The following CFAP54 variants were observed in gnomAD, a reference collection of about 807,000 sequenced individuals.
CFAP54 encodes the protein cilia- and flagella-associated protein 54.
In CFAP54, 290 loss-of-function variants were observed where a neutral mutation model predicts 370.4. The ratio of observed to expected loss-of-function variants is 0.78; its 90% CI spans 0.71 to 0.86. The LOEUF (loss-of-function observed/expected upper bound fraction) is 0.86. Ranked by LOEUF, CFAP54 falls within the 40% of genes least tolerant of loss-of-function variation. The pLI is 0.00. For synonymous variants in CFAP54, 1,206 were observed against 1,236.5 expected (o/e 0.98, Z 0.52); for missense variants, 3,399 against 3,528.7 (o/e 0.96, Z 0.93).
At chr12:96,761,965 G>A (rs1227171913) in intron 58 of CFAP54, among the ~76,000 whole-genome samples, 1 of 151,894 alleles carries the variant, frequency 6.6e-6, no homozygotes, top group Non-Finnish European at 1.5e-5. Flanking sequence ...TGGCTACTTT[G>A]ACTCCTTTGC....
chr12:96,695,204 G>A (rs1316488019), intron 45 of CFAP54, among the ~76,000 whole-genome samples: 1 of 152,152 alleles, frequency 6.6e-6, no homozygotes, highest in Non-Finnish European at 1.5e-5. Context: ...TGGAGTGAGT[G>A]GGCTCCAACA....
At chr12:96,601,422 T>C (rs964068026) in intron 26 of CFAP54, among the ~76,000 whole-genome samples, 21 of 152,228 alleles carry the variant, frequency 1.4e-4, no homozygotes, top group African/African-American at 5.1e-4. Context: ...ATTCTCTTTT[T>C]TGTTGTGTCT....
At chr12:96,603,938 C>T (rs918323835) in intron 26 of CFAP54, among the ~76,000 whole-genome samples, 2 of 151,832 alleles carry the variant, frequency 1.3e-5, no homozygotes, top group African/African-American at 4.8e-5. Flanking sequence ...TTATTACTGA[C>T]CTTCTGAAGC....
At chr12:96,559,117 G>A (rs1955788502) in intron 17 of CFAP54, among the ~76,000 whole-genome samples, 1 of 152,148 alleles carries the variant, frequency 6.6e-6, no homozygotes, top group Non-Finnish European at 1.5e-5. Context: ...TTGGGAGGCT[G>A]AGGCAGGAGA....
chr12:96,766,304 G>T (rs994331872), intron 60 of CFAP54, among the ~76,000 whole-genome samples: 1 of 151,928 alleles, frequency 6.6e-6, no homozygotes, highest in Admixed American at 6.6e-5. Context: ...CTTCGTGCCT[G>T]GGAGAATTTT....
intron 1 of CFAP54, among the ~76,000 whole-genome samples, chr12:96,499,465 C>A (rs1592814673): frequency 6.6e-6 from 1 of 152,134 alleles, no homozygotes; most frequent in African/African-American, 2.4e-5. Context: ...ACCGACAACA[C>A]CAAATGCCGG....
chr12:96,853,989 T>G (rs575742714), intron 66 of CFAP54, among the ~76,000 whole-genome samples: 1 of 152,072 alleles, frequency 6.6e-6, no homozygotes, highest in African/African-American at 2.4e-5. Flanking sequence ...TAAGTAAAAT[T>G]AACGTAGCCA....
intron 66 of CFAP54, among the ~76,000 whole-genome samples, chr12:96,838,693 A>G (rs1959194376): frequency 6.6e-6 from 1 of 152,156 alleles, no homozygotes; most frequent in Admixed American, 6.5e-5. Flanking sequence ...ATGCCTAGGG[A>G]TTATGATTCA....
chr12:96,554,141 C>T, intron 15 of CFAP54, 41 bp from the exon 16 acceptor site: 137 of 1,322,014 alleles, frequency 1.0e-4, no homozygotes, highest in Middle Eastern at 2.4e-4. Flanking sequence ...TTTGATTTTC[C>T]CTTGTTTTAT....
chr12:96,507,184 T>A, intron 4 of CFAP54, 85 bp downstream of exon 4: 1 of 1,067,728 alleles, frequency 9.4e-7, no homozygotes, highest in Non-Finnish European at 1.3e-6. Context: ...GAGTACCTTG[T>A]GATTTAAAAC....
intron 46 of CFAP54, among the ~76,000 whole-genome samples, chr12:96,701,916 A>G (rs1957496111): frequency 6.6e-6 from 1 of 152,112 alleles, no homozygotes; most frequent in Non-Finnish European, 1.5e-5. Context: ...TAAATATGAA[A>G]GGACACTGCT....
intron 39 of CFAP54, among the ~76,000 whole-genome samples, chr12:96,666,185 T>C (rs1957077524): frequency 6.6e-6 from 1 of 152,210 alleles, no homozygotes; most frequent in African/African-American, 2.4e-5. Flanking sequence ...CACATTTTTT[T>C]CTTCTTTTTA....
intron 17 of CFAP54, among the ~76,000 whole-genome samples, chr12:96,555,847 T>C (rs952468042): frequency 6.6e-6 from 1 of 151,944 alleles, no homozygotes; most frequent in Non-Finnish European, 1.5e-5. Flanking sequence ...ATAGACTCAA[T>C]GCAATTTCAA....
At position 96,594,389 on chromosome 12, in the gene CFAP54, T is replaced by C; in HGVS notation, c.3459T>C (p.Cys1153=). The change falls in exon 25 of 68, where the codon TGT becomes TGC. Residue 1153 remains cysteine (C), a synonymous_variant. Transcript: ENST00000524981. ...ATGCCCTTCAAGCTGTGACTCAATG[T>C]TATGGACTTCTTGCTCCCATAATTT... ...SSYALQAVTQ[C]YGLLAPIIYH... The C allele has an allele frequency of 6.5e-6, 10 of 1,534,612 alleles. No individual in the cohort carries two copies. Among genetic ancestry groups the C allele is most frequent in the Non-Finnish European group, 8.7e-6 (10 of 1,145,820 alleles).
chr12:96,613,896 A>G (rs1956387879), intron 26 of CFAP54, among the ~76,000 whole-genome samples: 1 of 152,318 alleles, frequency 6.6e-6, no homozygotes, highest in South Asian at 2.1e-4. Context: ...AAAAAAGTCC[A>G]GGACCAGATG....
intron 32 of CFAP54, among the ~76,000 whole-genome samples, chr12:96,634,394 C>G (rs1304113996): frequency 6.6e-6 from 1 of 151,990 alleles, no homozygotes; most frequent in African/African-American, 2.4e-5. Flanking sequence ...TGTATATCCT[C>G]TTTAGTGAAA....
chr12:96,713,514 CTATT>C (rs2136598533), intron 48 of CFAP54, among the ~76,000 whole-genome samples: 1 of 152,210 alleles, frequency 6.6e-6, no homozygotes, highest in African/African-American at 2.4e-5. Flanking sequence ...TAACTGAAAA[CTATT>C]TATTACCTCC....
At chr12:96,625,892 C>A in intron 29 of CFAP54, 85 bp downstream of exon 29, 1 of 1,058,142 alleles carries the variant, frequency 9.5e-7, no homozygotes, top group Non-Finnish European at 1.4e-6. Context: ...CTGTTGTCTG[C>A]TTGAAGATTT....
intron 1 of CFAP54, among the ~76,000 whole-genome samples, chr12:96,499,281 A>C (rs970711944): frequency 6.6e-6 from 1 of 152,110 alleles, no homozygotes; most frequent in African/African-American, 2.4e-5. Context: ...CCTGGCCAAC[A>C]ACCTGATCTT....
Sources: gnomAD v4.1 joint callset for allele counts (sites outside exome capture counted in the v4.1 genomes callset) on GRCh38, gnomAD v4.1.1 for gene constraint, MANE v1.5 for transcripts, NCBI Gene and HGNC (gene_info 2026-07-23, HGNC 2026-07-21) for gene names.